Variants in CERT1 observed in about 807,000 individuals in gnomAD.
CERT1 encodes the protein ceramide transporter 1.
In CERT1, 31 loss-of-function variants were observed where a neutral mutation model predicts 87.9. The ratio of observed to expected loss-of-function variants is 0.35; its 90% CI spans 0.27 to 0.48. The LOEUF (loss-of-function observed/expected upper bound fraction) is 0.48, where lower values mean the gene tolerates loss of function less well. CERT1 is among the 20% of genes least tolerant of loss of function. The probability of loss-of-function intolerance (pLI) is 0.99; values close to 1 mark genes in which losing one functional copy is unlikely to be tolerated. For missense variants in CERT1, 487 were observed against 758.0 expected (o/e 0.64, Z 4.20); for synonymous variants, 289 against 250.9 (o/e 1.15, Z -1.44).
At chr5:75,403,650 T>G (rs1465787760) in intron 8 of CERT1, among the ~76,000 whole-genome samples, 1 of 152,230 alleles carries the variant, frequency 6.6e-6, no homozygotes, top group East Asian at 1.9e-4. Context: ...CGGATCTTCC[T>G]AAGCACAGGT....
At chr5:75,403,595 T>C (rs10085014) in intron 8 of CERT1, among the ~76,000 whole-genome samples, 1,639 of 152,316 alleles carry the variant, frequency 0.011, 17 homozygotes, top group East Asian at 0.022. Flanking sequence ...AAGTAAAAAT[T>C]TGCACAAGAA....
At chr5:75,388,394 T>C (rs1016640551) in intron 12 of CERT1, among the ~76,000 whole-genome samples, 8 of 151,796 alleles carry the variant, frequency 5.3e-5, no homozygotes, top group African/African-American at 1.2e-4. Context: ...TTTGCTCACA[T>C]TATAATTTTT....
At chr5:75,376,911 A>G (rs897374256), downstream of CERT1, 1 of 152,224 alleles carries the variant, frequency 6.6e-6, no homozygotes, top group African/African-American at 2.4e-5. Context: ...AGACTTGTTT[A>G]AAATTATTTC....
At position 75,511,617 on chromosome 5, in the gene CERT1, T is replaced by G. The variant is rs1369336301; in HGVS notation, c.-410A>C. The G allele has an allele frequency of 6.8e-6, 10 of 1,474,986 alleles. No individual in the cohort carries two copies. The South Asian group carries it at 1.1e-4, about 16-fold the overall frequency. The allele number at this position is 1,474,986 out of a possible 1,614,324, so 91.4% of individuals were successfully genotyped here. Reference sequence around the variant, plus strand: ...CCGCTACCGCCGCCATCTTCCTGCCTGGCCCACTATTTACCCTCCCCTCCC... The same window carrying G: ...CCGCTACCGCCGCCATCTTCCTGCCGGGCCCACTATTTACCCTCCCCTCCC... On this transcript the variant is annotated 5_prime_UTR_variant, in exon 1 of 17. Coordinates refer to ENST00000643780, the MANE Select transcript of CERT1 (RefSeq NM_001379029.1).
intron 3 of CERT1, among the ~76,000 whole-genome samples, chr5:75,449,564 C>T (rs1357527215): frequency 6.6e-6 from 1 of 152,176 alleles, no homozygotes; most frequent in East Asian, 1.9e-4. Context: ...TTTCAATATG[C>T]ATCTGAGCAG....
intron 5 of CERT1, among the ~76,000 whole-genome samples, chr5:75,421,199 T>C (rs565917437): frequency 6.6e-6 from 1 of 152,354 alleles, no homozygotes; most frequent in East Asian, 1.9e-4. Flanking sequence ...TGTATCTTTT[T>C]ACATCAGGAG....
At position 75,400,213 on chromosome 5, in the gene CERT1, C is replaced by T; in HGVS notation, c.1102G>A (p.Val368Ile). 1 of 1,608,274 alleles carries T rather than the reference C, an allele frequency of 6.2e-7. No individual in the cohort carries two copies. The highest frequency in any genetic ancestry group is 1.1e-5 in the South Asian group (1 of 90,898). ...CTCTGACATTAGCTTACCTTTTGGA[C>T]AAATCTATGTGTCCCCACAGAAGAA... ...AFSSVGTHRF[V>I]QKPYSRSSSM... The change falls in exon 10 of 17, where the codon GTC becomes ATC. Residue 368 changes from valine to isoleucine, a missense_variant. Physicochemically the swap from Val to Ile is conservative, Grantham distance 29. Transcript: ENST00000643780.
At chr5:75,501,624 A>G (rs1373022499) in intron 2 of CERT1, among the ~76,000 whole-genome samples, 1 of 152,190 alleles carries the variant, frequency 6.6e-6, no homozygotes, top group Non-Finnish European at 1.5e-5. Context: ...CCCACAATAT[A>G]ATTTTAAACA....
intron 12 of CERT1, among the ~76,000 whole-genome samples, chr5:75,386,537 C>G (rs1030181813): frequency 6.6e-6 from 1 of 152,156 alleles, no homozygotes; most frequent in Non-Finnish European, 1.5e-5. Context: ...GCTTTAAATA[C>G]TGAGGTTACA....
At chr5:75,504,979 A>G (rs1424754604) in intron 2 of CERT1, among the ~76,000 whole-genome samples, 1 of 152,126 alleles carries the variant, frequency 6.6e-6, no homozygotes, top group Non-Finnish European at 1.5e-5. Context: ...TTGTTTCTAT[A>G]TACTAAGTTA....
At chr5:75,386,185 AT>A (rs1761777539) in intron 12 of CERT1, 151 bp from the exon 13 acceptor site, 5 of 539,818 alleles carry the variant, frequency 9.3e-6, no homozygotes, top group Non-Finnish European at 1.4e-5. Context: ...AAAATTTCAA[AT>A]TAACAGACAA....
At chr5:75,412,249 A>C (rs1305483971) in intron 7 of CERT1, among the ~76,000 whole-genome samples, 2 of 152,088 alleles carry the variant, frequency 1.3e-5, no homozygotes, top group African/African-American at 4.8e-5. Flanking sequence ...CCTATTGGGT[A>C]ATGTAAGCAC....
intron 3 of CERT1, among the ~76,000 whole-genome samples, chr5:75,446,965 T>C (rs917463150): frequency 3.9e-5 from 6 of 152,226 alleles, no homozygotes; most frequent in African/African-American, 1.4e-4. Context: ...CACCTCTTTT[T>C]CTGCACCTCT....
chr5:75,503,860 A>T (rs1214761807), intron 2 of CERT1, among the ~76,000 whole-genome samples: 1 of 147,040 alleles, frequency 6.8e-6, no homozygotes, highest in African/African-American at 2.5e-5. Context: ...TTTAAATTAA[A>T]CATTTAAATT....
chr5:75,426,558 A>C, intron 3 of CERT1, 80 bp from the exon 4 acceptor site: 1 of 1,006,142 alleles, frequency 9.9e-7, no homozygotes. Flanking sequence ...ATGAATTAAC[A>C]AGGTTATTAT....
intron 8 of CERT1, 88 bp from the exon 9 acceptor site, chr5:75,403,146 T>C (rs575324070): frequency 1.2e-5 from 10 of 845,426 alleles, no homozygotes; most frequent in South Asian, 5.7e-5. Context: ...AGTTTGAAAA[T>C]TGACCTAATA....
chr5:75,452,923 A>T (rs1376514080), intron 3 of CERT1, among the ~76,000 whole-genome samples: 1 of 152,180 alleles, frequency 6.6e-6, no homozygotes, highest in Non-Finnish European at 1.5e-5. Context: ...AAGCCAGCAC[A>T]ATATTTCTAA....
chr5:75,485,596 CA>C (rs1478585207), intron 2 of CERT1, among the ~76,000 whole-genome samples: 1 of 151,546 alleles, frequency 6.6e-6, no homozygotes, highest in Non-Finnish European at 1.5e-5. Context: ...AAAAGATAAA[CA>C]AAATTGACAA....
chr5:75,489,107 T>C (rs1766658331), intron 2 of CERT1, among the ~76,000 whole-genome samples: 1 of 152,134 alleles, frequency 6.6e-6, no homozygotes, highest in Non-Finnish European at 1.5e-5. Context: ...TCTACAAACA[T>C]CTGATCTCTG....
Sources: allele counts gnomAD v4.1 joint callset (sites outside exome capture counted in the v4.1 genomes callset), GRCh38; gene constraint gnomAD v4.1.1; transcripts MANE v1.5; gene names NCBI Gene and HGNC (gene_info 2026-07-23, HGNC 2026-07-21).